NUDT9: variants seen among roughly 807,000 people sequenced by gnomAD.
NUDT9 encodes ADP-ribose pyrophosphatase.
A neutral mutation model predicts 41.0 loss-of-function variants in NUDT9; 31 were observed. The ratio of observed to expected loss-of-function variants is 0.76; its 90% CI spans 0.57 to 1.02. The LOEUF is 1.02. Ranked by LOEUF, NUDT9 falls within the 50% of genes least tolerant of loss-of-function variation. The pLI is 0.00. For synonymous variants in NUDT9, 146 were observed against 147.6 expected (o/e 0.99, Z 0.08); for missense variants, 380 against 431.4 (o/e 0.88, Z 1.06).
intron 1 of NUDT9, among the ~76,000 whole-genome samples, chr4:87,428,427 C>T: frequency 6.6e-6 from 1 of 152,168 alleles, no homozygotes; most frequent in Non-Finnish European, 1.5e-5. Flanking sequence ...AACCTGCACA[C>T]AGATGTTTAT....
At chr4:87,437,702 A>G (rs1722015555) in intron 2 of NUDT9, among the ~76,000 whole-genome samples, 1 of 152,146 alleles carries the variant, frequency 6.6e-6, no homozygotes, top group Non-Finnish European at 1.5e-5. Context: ...ACATTTACAT[A>G]GCTCTGTAAA....
chr4:87,425,712 GAAAA>G (rs70957242), intron 1 of NUDT9, among the ~76,000 whole-genome samples: 1 of 94,754 alleles, frequency 1.1e-5, no homozygotes, highest in Non-Finnish European at 1.9e-5. Context: ...CTGTCTCTTT[GAAAA>G]AAAAAAAAAA....
chr4:87,429,801 C>A (rs535983915), intron 1 of NUDT9, among the ~76,000 whole-genome samples: 3 of 150,378 alleles, frequency 2.0e-5, no homozygotes, highest in African/African-American at 7.4e-5. Context: ...CTTTCTTTTC[C>A]CTCTTTCTGT....
chr4:87,426,857 G>C (rs967269129), intron 1 of NUDT9, among the ~76,000 whole-genome samples: 1 of 150,254 alleles, frequency 6.7e-6, no homozygotes, highest in Non-Finnish European at 1.5e-5. Flanking sequence ...GCAACATAGA[G>C]TGAGACCCCA....
At chr4:87,449,483 TG>T (rs1262039732) in intron 5 of NUDT9, among the ~76,000 whole-genome samples, 1 of 152,200 alleles carries the variant, frequency 6.6e-6, no homozygotes, top group Non-Finnish European at 1.5e-5. Context: ...GGAAATAACG[TG>T]GGCTTTGAAG....
At chr4:87,441,762 G>T (rs1722210685) in intron 3 of NUDT9, 67 bp from the exon 4 acceptor site, 5 of 1,251,138 alleles carry the variant, frequency 4.0e-6, no homozygotes, top group African/African-American at 2.9e-5. Context: ...CTTCTTTTGG[G>T]TTATATCAAA....
At chr4:87,438,091 C>CT (rs1722034636) in intron 2 of NUDT9, among the ~76,000 whole-genome samples, 186 bp from the exon 3 acceptor site, 1 of 145,736 alleles carries the variant, frequency 6.9e-6, no homozygotes, top group Non-Finnish European at 1.5e-5. Flanking sequence ...TTGGTTAAAA[C>CT]TTTTTTTTGC....
At position 87,453,498 on chromosome 4, in the gene NUDT9, C is replaced by T. The variant is rs534888861; in HGVS notation, c.790-873C>T. Among the ~76,000 whole-genome samples the T allele has an allele frequency of 1.4e-4, 21 of 151,266 alleles. No individual in the cohort carries two copies. The East Asian group carries it at 3.4e-3, about 24-fold the overall frequency. The stretch of plus-strand genomic sequence containing the variant: ...AGGCTGGAGTGCAGTGATGCGATCT[C>T]GGCTCACTGCAACCTCTGCCTCACG... On this transcript the variant is annotated intron_variant, in intron 6 of 7. Coordinates refer to ENST00000302174, the MANE Select transcript of NUDT9 (RefSeq NM_024047.5).
intron 2 of NUDT9, among the ~76,000 whole-genome samples, chr4:87,435,490 C>G (rs1263590563): frequency 6.6e-6 from 1 of 152,128 alleles, no homozygotes; most frequent in Admixed American, 6.6e-5. Context: ...TATGAAATAA[C>G]AGCTGGTACT....
At chr4:87,447,049 A>C (rs2110183015) in intron 4 of NUDT9, among the ~76,000 whole-genome samples, 1 of 152,322 alleles carries the variant, frequency 6.6e-6, no homozygotes, top group South Asian at 2.1e-4. Context: ...TCTCTAAGTA[A>C]ACGAATTAGA....
Position 87,422,917 on chromosome 4 carries a change from C to G in NUDT9, c.12C>G (p.Arg4=), listed in dbSNP as rs753146172. 17 of 1,610,606 alleles carry G rather than the reference C, an allele frequency of 1.1e-5. No homozygotes were observed. Among genetic ancestry groups the G allele is most frequent in the Non-Finnish European group, 1.4e-5 (17 of 1,179,630 alleles). Residue 4 remains arginine (R), a synonymous_variant, in exon 1 of 8, where the codon CGC becomes CGG. Transcript: ENST00000302174. MAG[R]LLGKALAAVS... ...CCCTCGGGGCGCTCATGGCGGGACGCCTCCTGGGAAAGGCTTTAGCCGCGG... is the reference window on the plus strand; with the variant it reads ...CCCTCGGGGCGCTCATGGCGGGACGGCTCCTGGGAAAGGCTTTAGCCGCGG...
At chr4:87,446,592 T>C (rs1158994644) in intron 4 of NUDT9, among the ~76,000 whole-genome samples, 1 of 152,156 alleles carries the variant, frequency 6.6e-6, no homozygotes, top group African/African-American at 2.4e-5. Context: ...GTAGATAGTA[T>C]AGTAATTAAG....
intron 1 of NUDT9, among the ~76,000 whole-genome samples, chr4:87,433,776 G>A (rs908747545): frequency 6.6e-6 from 1 of 152,130 alleles, no homozygotes; most frequent in Non-Finnish European, 1.5e-5. Flanking sequence ...TTAGGGTGAA[G>A]GTTAGTTGGT....
chr4:87,433,766 T>C (rs1313082723), intron 1 of NUDT9, among the ~76,000 whole-genome samples: 2 of 152,158 alleles, frequency 1.3e-5, no homozygotes, highest in African/African-American at 4.8e-5. Flanking sequence ...TGCTGTGTGG[T>C]TAGGGTGAAG....
At chr4:87,436,857 AC>A (rs1299933693) in intron 2 of NUDT9, among the ~76,000 whole-genome samples, 1 of 152,216 alleles carries the variant, frequency 6.6e-6, no homozygotes, top group African/African-American at 2.4e-5. Context: ...CTGCCCATGA[AC>A]TATCCAGTGC....
Position 87,435,181 on chromosome 4 carries a change from C to G in NUDT9, c.308C>G (p.Ser103Cys). ...DYKPVEYTAV[S>C]VLAGPRWADP... is the part of the protein sequence containing the mutation. ...AAGCCTGTGGAATACACTGCAGTCTCTGTCTTGGCTGGACCCAGGTGGGCA... is the reference window on the plus strand; with the variant it reads ...AAGCCTGTGGAATACACTGCAGTCTGTGTCTTGGCTGGACCCAGGTGGGCA... The change falls in exon 2 of 8, where the codon TCT becomes TGT. Residue 103 changes from serine to cysteine, a missense_variant. By Grantham distance (112) the Ser-to-Cys change is moderately radical. Transcript: ENST00000302174. The G allele has an allele frequency of 6.2e-7, 1 of 1,614,062 alleles. No homozygotes were observed. Among genetic ancestry groups the G allele is most frequent in the Non-Finnish European group, 8.5e-7 (1 of 1,179,932 alleles).
At chr4:87,454,215 C>G (rs1180118487) in intron 6 of NUDT9, among the ~76,000 whole-genome samples, 156 bp from the exon 7 acceptor site, 1 of 152,080 alleles carries the variant, frequency 6.6e-6, no homozygotes, top group African/African-American at 2.4e-5. Flanking sequence ...TCAAATTTAC[C>G]ATCTAAACTG....
chr4:87,431,490 G>C (rs755762674), intron 1 of NUDT9, among the ~76,000 whole-genome samples: 1 of 152,064 alleles, frequency 6.6e-6, no homozygotes, highest in Admixed American at 6.6e-5. Flanking sequence ...TTGAATCTGC[G>C]GATAACTTTG....
At position 87,457,989 on chromosome 4, in the gene NUDT9, G is replaced by T. The variant is rs146589373; in HGVS notation, c.1021G>T (p.Glu341Ter). The stretch of plus-strand genomic sequence containing the variant: ...TGAGAAACGAGATGCACACTGGAGC[G>T]AGGACTCTGAAGCTGACTGCCATGC... ...VAEKRDAHWS[E>*]DSEADCHAL The change falls in exon 8 of 8, where the codon GAG becomes TAG. Residue 341 changes from glutamate (E) to a stop codon, truncating the protein, a stop_gained. Coordinates refer to ENST00000302174, the MANE Select transcript of NUDT9 (RefSeq NM_024047.5). LOFTEE classifies it high-confidence loss of function. 1 of 1,574,614 alleles carries T rather than the reference G, an allele frequency of 6.4e-7. No individual in the cohort carries two copies. Among genetic ancestry groups the T allele is most frequent in the Admixed American group, 1.9e-5 (1 of 51,622 alleles).
Sources: allele counts gnomAD v4.1 joint callset (sites outside exome capture counted in the v4.1 genomes callset), GRCh38; gene constraint gnomAD v4.1.1; transcripts MANE v1.5; gene names NCBI Gene and HGNC (gene_info 2026-07-23, HGNC 2026-07-21).